RARB: variants seen among roughly 807,000 people sequenced by gnomAD.
RARB encodes retinoic acid receptor beta.
Under a neutral mutation model 51.9 loss-of-function variants are expected in RARB, and 17 were observed. That is an observed-to-expected ratio of 0.33 (90% CI 0.22 to 0.49). RARB has a LOEUF of 0.49. Among genes scored for constraint, RARB ranks in the 20% least tolerant of loss-of-function variants. The pLI is 0.99. For synonymous variants in RARB, 215 were observed against 195.4 expected (o/e 1.10, Z -0.84); for missense variants, 369 against 550.8 (o/e 0.67, Z 3.30).
At chr3:24,951,620 G>C (rs35306981) in intron 2 of RARB, among the ~76,000 whole-genome samples, 37,211 of 152,098 alleles carry the variant, frequency 0.24, 4,848 homozygotes, top group East Asian at 0.43. Context: ...AGGCTCTGGG[G>C]CCTGTCTCTG....
chr3:24,950,014 A>G (rs76876590), intron 2 of RARB, among the ~76,000 whole-genome samples: 1 of 152,370 alleles, frequency 6.6e-6, no homozygotes, highest in African/African-American at 2.4e-5. Context: ...AACAATGTGT[A>G]ACAAAAATAT....
intron 2 of RARB, among the ~76,000 whole-genome samples, chr3:24,865,454 T>G (rs1247808417): frequency 1.3e-5 from 2 of 152,134 alleles, no homozygotes; most frequent in African/African-American, 2.4e-5. Context: ...GAAACTTCTG[T>G]TATCCCCATT....
intron 3 of RARB, among the ~76,000 whole-genome samples, chr3:25,567,297 G>A (rs954285359): frequency 4.6e-5 from 7 of 152,054 alleles, no homozygotes; most frequent in African/African-American, 1.4e-4. Context: ...TAGCACTCCC[G>A]ATCCTCCCTC....
intron 2 of RARB, among the ~76,000 whole-genome samples, chr3:25,482,700 C>G (rs571035119): frequency 4.6e-5 from 7 of 151,366 alleles, no homozygotes; most frequent in African/African-American, 1.7e-4. Context: ...CCACCATGCC[C>G]GGCTATTTTT....
chr3:25,491,176 C>T (rs900291800), intron 2 of RARB, among the ~76,000 whole-genome samples: 9 of 152,144 alleles, frequency 5.9e-5, no homozygotes, highest in African/African-American at 2.2e-4. Context: ...AAGATATCCT[C>T]TTGAAACCGT....
chr3:25,316,146 A>C (rs9862068), intron 5 of RARB, among the ~76,000 whole-genome samples: 81,278 of 151,424 alleles, frequency 0.54, 22,330 homozygotes, highest in East Asian at 0.88. Context: ...AGCTTTTTTT[A>C]TGAGGCACCT....
chr3:25,002,748 C>CTG (rs67576318), intron 2 of RARB, among the ~76,000 whole-genome samples: 33,338 of 150,366 alleles, frequency 0.22, 4,537 homozygotes, highest in Admixed American at 0.36. Context: ...AAGACATATT[C>CTG]TGTGTGTGTG....
intron 3 of RARB, among the ~76,000 whole-genome samples, chr3:25,568,603 T>C (rs1255976236): frequency 2.0e-5 from 3 of 152,138 alleles, no homozygotes; most frequent in Non-Finnish European, 4.4e-5. Flanking sequence ...ACCCCAAATA[T>C]GGGTATTCTC....
chr3:25,151,481 C>T (rs1700285627), intron 4 of RARB, among the ~76,000 whole-genome samples: 1 of 152,260 alleles, frequency 6.6e-6, no homozygotes, highest in East Asian at 1.9e-4. Flanking sequence ...CCTTTAAGAG[C>T]GTCATTTCTT....
rs192805962 is a variant in RARB at position 24,880,792 on chromosome 3, A to G, written c.-380+22040A>G. On this transcript the variant is annotated intron_variant, in intron 2 of 11. Coordinates refer to the RARB transcript ENST00000383772. ...AAAATGTAATGCTACTCTTCTCACT[A>G]ACTTTATTTTGGGACATATAGTTAC... 2.4e-4 allele frequency among the ~76,000 whole-genome samples: 37 copies of G among 152,354 alleles called. 1 individual carries two copies. The East Asian group carries it at 6.8e-3, about 28-fold the overall frequency.
At chr3:25,217,473 G>C (rs963806619) in intron 5 of RARB, among the ~76,000 whole-genome samples, 8 of 152,046 alleles carry the variant, frequency 5.3e-5, no homozygotes, top group Admixed American at 2.6e-4. Context: ...GAGGACAAAG[G>C]GGGCATGAAA....
chr3:25,367,183 A>G (rs765731820), intron 5 of RARB, among the ~76,000 whole-genome samples: 7 of 152,194 alleles, frequency 4.6e-5, no homozygotes, highest in Non-Finnish European at 7.3e-5. Context: ...ATGCTTATCA[A>G]TGTTTACTTG....
At chr3:25,338,607 A>G (rs760524338) in intron 5 of RARB, among the ~76,000 whole-genome samples, 2 of 152,148 alleles carry the variant, frequency 1.3e-5, no homozygotes, top group Non-Finnish European at 2.9e-5. Context: ...GGGAAGTTCA[A>G]AAGAAAAGAT....
chr3:25,161,163 C>T (rs546983791), intron 4 of RARB, among the ~76,000 whole-genome samples: 14 of 147,726 alleles, frequency 9.5e-5, no homozygotes, highest in African/African-American at 3.5e-4. Context: ...CAGGCACCCA[C>T]CACCATGCCC....
intron 2 of RARB, among the ~76,000 whole-genome samples, chr3:24,984,385 C>T (rs879603406): frequency 5.9e-5 from 9 of 152,154 alleles, no homozygotes; most frequent in Admixed American, 2.6e-4. Context: ...CTGTGTTAAG[C>T]GCTGAGAATA....
chr3:24,909,198 T>C (rs546375767), intron 2 of RARB, among the ~76,000 whole-genome samples: 1 of 152,318 alleles, frequency 6.6e-6, no homozygotes, highest in Admixed American at 6.5e-5. Flanking sequence ...GCTGCAAATG[T>C]TATACTCTGT....
At chr3:25,367,009 C>G (rs1438365792) in intron 5 of RARB, among the ~76,000 whole-genome samples, 2 of 152,050 alleles carry the variant, frequency 1.3e-5, no homozygotes, top group African/African-American at 2.4e-5. Context: ...AAGGATGACC[C>G]TTAAACAGGC....
chr3:25,077,087 A>T (rs1698885600), intron 3 of RARB, among the ~76,000 whole-genome samples: 1 of 152,250 alleles, frequency 6.6e-6, no homozygotes. Context: ...GCCCAGATAG[A>T]AATACATTGG....
At chr3:25,239,632 G>A (rs1032331311) in intron 5 of RARB, among the ~76,000 whole-genome samples, 1 of 151,958 alleles carries the variant, frequency 6.6e-6, no homozygotes, top group Non-Finnish European at 1.5e-5. Context: ...TTTATTTCTG[G>A]GTCCTCTATT....
Sources: gnomAD v4.1 joint callset for allele counts (sites outside exome capture counted in the v4.1 genomes callset) on GRCh38, gnomAD v4.1.1 for gene constraint, MANE v1.5 for transcripts, NCBI Gene and HGNC (gene_info 2026-07-23, HGNC 2026-07-21) for gene names.